GLYATL1: variants seen among roughly 807,000 people sequenced by gnomAD.
GLYATL1 encodes the protein glycine-N-acyltransferase like 1, also known as glycine N-acyltransferase-like protein 1.
GLYATL1 carries 15 observed loss-of-function variants against 20.0 expected under a neutral mutation model. That is an observed-to-expected ratio of 0.75 (90% confidence interval 0.50 to 1.15). The LOEUF is 1.15. Ranked by LOEUF, GLYATL1 falls within the 50% of genes most tolerant of loss-of-function variation. The pLI, the probability that GLYATL1 is intolerant of heterozygous loss-of-function variation, is 0.00. For synonymous variants in GLYATL1, 151 were observed against 131.5 expected, an observed-to-expected ratio of 1.15 and a Z score of -1.01; for missense variants, 380 against 368.5, an observed-to-expected ratio of 1.03 and a Z score of -0.26.
intron 1 of GLYATL1, among the ~76,000 whole-genome samples, chr11:58,941,917 T>C (rs573423672): frequency 6.6e-6 from 1 of 152,358 alleles, no homozygotes; most frequent in East Asian, 1.9e-4. Flanking sequence ...TCATTTGTTA[T>C]TGACGGAAGA....
rs1857353506 is a variant in GLYATL1, at chr11:58,955,652, T to C, written c.534T>C (p.Tyr178=). 1 of 1,614,220 alleles carries C rather than the reference T, an allele frequency of 6.2e-7. No individual in the cohort carries two copies. The highest frequency in any genetic ancestry group is 8.5e-7 in the Non-Finnish European group (1 of 1,180,038). ...AGTATGCCCAGCTGGATGTCTCTTA[T>C]TCTGGGCTGGTAAATGACAACTGGA... ...NFKYAQLDVS[Y]SGLVNDNWKR... The change falls in exon 7 of 7, where the codon TAT becomes TAC. Residue 178 remains tyrosine, a synonymous_variant. Transcript: ENST00000532726.
At chr11:58,921,004 G>A (rs1037534665) in intron 1 of GLYATL1, among the ~76,000 whole-genome samples, 2 of 152,166 alleles carry the variant, frequency 1.3e-5, no homozygotes, top group African/African-American at 4.8e-5. Context: ...CAAAAAGAAA[G>A]GCTTAGTTAG....
At chr11:58,920,549 C>T (rs148706865) in intron 1 of GLYATL1, among the ~76,000 whole-genome samples, 14 of 152,222 alleles carry the variant, frequency 9.2e-5, no homozygotes, top group African/African-American at 1.4e-4. Context: ...TCCGGGTCTC[C>T]GAGGGGCTGA....
intron 1 of GLYATL1, among the ~76,000 whole-genome samples, chr11:58,918,506 C>A (rs1007729908): frequency 6.6e-6 from 1 of 152,130 alleles, no homozygotes; most frequent in South Asian, 2.1e-4. Flanking sequence ...ATGTAGTATG[C>A]ATGCAGGGAG....
chr11:58,942,557 C>T (rs965909088), intron 1 of GLYATL1: 1 of 152,034 alleles, frequency 6.6e-6, no homozygotes, highest in Non-Finnish European at 1.5e-5. Context: ...AATGGAGTTG[C>T]CATCAACTAA....
intron 1 of GLYATL1, 42 bp from the exon 2 acceptor site, chr11:58,943,501 A>C (rs1856326989): frequency 6.4e-7 from 1 of 1,556,740 alleles, no homozygotes; most frequent in African/African-American, 1.4e-5. Context: ...GCTTAATGAA[A>C]CTCCTTTAAG....
intron 2 of GLYATL1, among the ~76,000 whole-genome samples, chr11:58,944,565 T>G (rs1286887486): frequency 6.6e-6 from 1 of 152,178 alleles, no homozygotes; most frequent in Non-Finnish European, 1.5e-5. Context: ...AATTCTCAAA[T>G]AAGAAATAAA....
In GLYATL1 at chr11:58,955,715, G is replaced by A. The variant is rs759941357; in HGVS notation, c.597G>A (p.Lys199=). ...ATGAGAGGAGCCTGCATTACATCAA[G>A]CGCTGCATAGAAGACCTGCCAGCAG... ...GKNERSLHYI[K]RCIEDLPAAC... The change falls in exon 7 of 7, where the codon AAG becomes AAA. Residue 199 remains lysine, a synonymous_variant. Transcript: ENST00000532726. 1.2e-6 allele frequency: 2 copies of A among 1,614,194 alleles called. No individual in the cohort carries two copies. The highest frequency in any genetic ancestry group is 2.2e-5 in the South Asian group (2 of 91,084).
upstream of GLYATL1, among the ~76,000 whole-genome samples, chr11:58,924,797 C>T (rs565133835): frequency 4.6e-5 from 7 of 152,090 alleles, no homozygotes; most frequent in Non-Finnish European, 1.0e-4. Flanking sequence ...GCTAAGGAAC[C>T]CCACTGAGGG....
In GLYATL1 at chr11:58,947,529, G is replaced by A. The variant is rs75782825; in HGVS notation, c.79-329G>A. On this transcript the variant is annotated intron_variant, in intron 3 of 6. Coordinates refer to ENST00000532726, the MANE Select transcript of GLYATL1 (RefSeq NM_001389712.2). ...CGTTTGGTTTTTCCATCAATGAGAT[G>A]GGAATAACGTTAGCACCTACCGCTT... is the stretch of plus-strand genomic sequence containing the variant. 6.0e-3 allele frequency: 2,641 copies of A among 443,572 alleles called. 55 individuals carry two copies. Among genetic ancestry groups the A allele is most frequent in the African/African-American group, 0.046 (2,338 of 51,346 alleles). 27.5% of individuals were successfully genotyped at this position (443,572 alleles called of 1,614,324 possible). A position where few individuals can be genotyped will look rare whatever the true frequency, so the allele number is the denominator to read the frequency against.
At chr11:58,954,310 T>A (rs959265543) in intron 4 of GLYATL1, among the ~76,000 whole-genome samples, 2 of 152,224 alleles carry the variant, frequency 1.3e-5, no homozygotes, top group Non-Finnish European at 2.9e-5. Flanking sequence ...CACAGTAGGT[T>A]ACCTGGGGCA....
At chr11:58,921,726 T>C (rs1855313642) in intron 1 of GLYATL1, among the ~76,000 whole-genome samples, 1 of 152,192 alleles carries the variant, frequency 6.6e-6, no homozygotes, top group African/African-American at 2.4e-5. Flanking sequence ...TCAGCCTTTT[T>C]CCCAAGCCTC....
chr11:58,915,650 G>T (rs1241996981), intron 1 of GLYATL1, among the ~76,000 whole-genome samples: 1 of 152,174 alleles, frequency 6.6e-6, no homozygotes, highest in East Asian at 1.9e-4. Context: ...TGTGTTTCAA[G>T]AAACCCCCAG....
At chr11:58,953,020 A>C (rs1857104543) in intron 4 of GLYATL1, among the ~76,000 whole-genome samples, 1 of 152,202 alleles carries the variant, frequency 6.6e-6, no homozygotes, top group Non-Finnish European at 1.5e-5. Flanking sequence ...AAAGACAGGG[A>C]ATCAACCCAG....
Position 58,954,866 on chromosome 11 carries a change from G to A in GLYATL1, c.283G>A (p.Val95Ile), listed in dbSNP as rs145603117. The A allele has an allele frequency of 7.7e-5, 125 of 1,612,988 alleles. 1 individual carries two copies. The highest frequency in any genetic ancestry group is 8.3e-5 in the Non-Finnish European group (98 of 1,179,604). ...AGAAGTTTTGAAAAATTGTGAGATC[G>A]TAAACTGGAAACAGAGACTCCAAAT... The part of the protein sequence containing the change: ...SEEVLKNCEI[V>I]NWKQRLQIQG... The change falls in exon 5 of 7, where the codon GTA becomes ATA. Residue 95 changes from valine to isoleucine, a missense_variant. Coordinates refer to ENST00000532726, the MANE Select transcript of GLYATL1 (RefSeq NM_001389712.2).
chr11:58,908,147 C>T (rs1223791592), exon 2 of GLYATL1: 1 of 152,232 alleles, frequency 6.6e-6, no homozygotes, highest in African/African-American at 2.4e-5. Context: ...AGGCTCCAGT[C>T]ATCTTGGCCT....
intron 3 of GLYATL1, 106 bp downstream of exon 3, chr11:58,947,271 G>T: frequency 6.9e-7 from 1 of 1,445,400 alleles, no homozygotes; most frequent in Non-Finnish European, 9.1e-7. Context: ...GAGGGTTGGA[G>T]CTGGGAAACA....
chr11:58,933,663 ATTGT>A (rs751047336), intron 1 of GLYATL1: 1 of 151,260 alleles, frequency 6.6e-6, no homozygotes, highest in Non-Finnish European at 1.5e-5. Context: ...TTTTTCTCTG[ATTGT>A]TCTTGATCTT....
chr11:58,946,908 CTG>C, intron 2 of GLYATL1, 136 bp from the exon 3 acceptor site: 1 of 710,982 alleles, frequency 1.4e-6, no homozygotes. Flanking sequence ...CTTAGTCCCT[CTG>C]AGATTTGGTG....
Sources: gnomAD v4.1 joint callset for allele counts (sites outside exome capture counted in the v4.1 genomes callset) on GRCh38, gnomAD v4.1.1 for gene constraint, MANE v1.5 for transcripts, NCBI Gene and HGNC (gene_info 2026-07-23, HGNC 2026-07-21) for gene names.